ARMH4: variants seen among roughly 807,000 people sequenced by gnomAD.
ARMH4 encodes armadillo-like helical domain-containing protein 4.
Under a neutral mutation model 61.9 loss-of-function variants are expected in ARMH4, and 49 were observed. The observed-to-expected ratio is 0.79, with a 90% CI of 0.63 to 1.00. The LOEUF is 1.00. ARMH4 is among the 50% of genes least tolerant of loss of function. The pLI, the probability that ARMH4 is intolerant of heterozygous loss-of-function variation, is 0.00. For synonymous variants in ARMH4, 368 were observed against 341.5 expected, an observed-to-expected ratio of 1.08 and a Z score of -0.85; for missense variants, 934 against 930.0, an observed-to-expected ratio of 1.00 and a Z score of -0.06.
intron 5 of ARMH4, among the ~76,000 whole-genome samples, chr14:58,082,746 T>G (rs1885266275): frequency 6.6e-6 from 1 of 152,128 alleles, no homozygotes; most frequent in African/African-American, 2.4e-5. Context: ...TAGCAAAAAT[T>G]TATAAATAGC....
At chr14:58,093,131 A>T (rs1447530404) in intron 5 of ARMH4, among the ~76,000 whole-genome samples, 1 of 152,088 alleles carries the variant, frequency 6.6e-6, no homozygotes, top group South Asian at 2.1e-4. Context: ...CCAGGTGAGG[A>T]AAGACATGTT....
chr14:58,009,708 G>C (rs1439327793), intron 6 of ARMH4, among the ~76,000 whole-genome samples: 2 of 151,042 alleles, frequency 1.3e-5, no homozygotes, highest in Non-Finnish European at 2.9e-5. Context: ...CTACTCAGGA[G>C]GCTGAGGCAT....
intron 4 of ARMH4, among the ~76,000 whole-genome samples, chr14:58,111,416 A>G (rs1594763345): frequency 6.6e-6 from 1 of 152,228 alleles, no homozygotes; most frequent in African/African-American, 2.4e-5. Flanking sequence ...ACAAAATCTA[A>G]GCTTTCAGCA....
At chr14:58,043,778 T>G (rs1349301661) in intron 5 of ARMH4, among the ~76,000 whole-genome samples, 5 of 152,198 alleles carry the variant, frequency 3.3e-5, no homozygotes, top group African/African-American at 1.2e-4. Flanking sequence ...AAAATCAATG[T>G]GCAAAAATCA....
At chr14:58,049,529 G>A (rs1423490286) in intron 5 of ARMH4, among the ~76,000 whole-genome samples, 2 of 152,022 alleles carry the variant, frequency 1.3e-5, no homozygotes, top group African/African-American at 4.8e-5. Context: ...AATTTCTCTG[G>A]GGTGATTCAA....
At chr14:58,121,540 A>G (rs1462043452) in intron 4 of ARMH4, among the ~76,000 whole-genome samples, 3 of 152,236 alleles carry the variant, frequency 2.0e-5, no homozygotes, top group Admixed American at 2.0e-4. Context: ...ACCTCACAAT[A>G]TTGATTTTAA....
chr14:58,069,720 C>A (rs1199235500), intron 5 of ARMH4, among the ~76,000 whole-genome samples: 9 of 152,080 alleles, frequency 5.9e-5, no homozygotes, highest in Admixed American at 2.0e-4. Context: ...AAAGGCCATG[C>A]AAAGGAAATT....
intron 4 of ARMH4, among the ~76,000 whole-genome samples, chr14:58,117,660 A>G (rs1300028579): frequency 2.0e-5 from 3 of 152,176 alleles, no homozygotes; most frequent in Non-Finnish European, 2.9e-5. Context: ...AATAAACTCA[A>G]CAACACCCTA....
intron 6 of ARMH4, among the ~76,000 whole-genome samples, chr14:58,006,351 A>C (rs1279533302): frequency 6.6e-6 from 1 of 152,146 alleles, no homozygotes; most frequent in African/African-American, 2.4e-5. Flanking sequence ...TACAGCACAA[A>C]CTGTTTTAGT....
chr14:58,142,600 T>C (rs898922844), intron 1 of ARMH4, among the ~76,000 whole-genome samples: 1 of 151,814 alleles, frequency 6.6e-6, no homozygotes, highest in African/African-American at 2.4e-5. Context: ...GCCTCCCGAG[T>C]AGCTGGGACT....
chr14:58,124,035 C>T (rs1566591165), intron 4 of ARMH4, among the ~76,000 whole-genome samples: 1 of 152,096 alleles, frequency 6.6e-6, no homozygotes, highest in Non-Finnish European at 1.5e-5. Flanking sequence ...CCAGCCTATA[C>T]TGGCTTACCC....
intron 5 of ARMH4, among the ~76,000 whole-genome samples, chr14:58,019,957 T>C (rs1399200094): frequency 1.3e-5 from 2 of 152,192 alleles, no homozygotes; most frequent in East Asian, 3.8e-4. Context: ...TTATGGACTA[T>C]ATTTATCCCA....
chr14:58,131,667 G>C lies in ARMH4; in HGVS notation c.1676C>G (p.Ser559Cys). 1 of 1,613,912 alleles carries C rather than the reference G, an allele frequency of 6.2e-7. No individual in the cohort carries two copies. Among genetic ancestry groups the C allele is most frequent in the South Asian group, 1.1e-5 (1 of 91,068 alleles). ...CATTATTCCAGGAGGTGTCACTGGA[G>C]ATCCCAGAACTGGTGTGAACTCCTC... ...PNEEFTPVLG[S>C]PVTPPGIMVG... The change falls in exon 4 of 8, where the codon TCT becomes TGT. Residue 559 changes from serine (S) to cysteine (C), a missense_variant. Coordinates refer to ENST00000267485, the MANE Select transcript of ARMH4 (RefSeq NM_001001872.4).
rs1371524025 is a variant in ARMH4 at position 58,048,986 on chromosome 14, C to G, written c.2090-36836G>C. ...GGCACCGTGGCTCATGCCTGTAATC[C>G]CAGCACTTTGGGAGGCCAAGGAGGG... On this transcript the variant is annotated intron_variant, in intron 5 of 7. Coordinates refer to ENST00000267485, the MANE Select transcript of ARMH4 (RefSeq NM_001001872.4). Among the ~76,000 whole-genome samples the G allele has an allele frequency of 2.0e-5, 3 of 151,978 alleles. No individual in the cohort carries two copies. The East Asian group carries it at 5.8e-4, about 29-fold the overall frequency.
intron 5 of ARMH4, among the ~76,000 whole-genome samples, chr14:58,054,170 TC>T (rs1884240038): frequency 6.6e-6 from 1 of 151,958 alleles, no homozygotes; most frequent in Non-Finnish European, 1.5e-5. Context: ...GAGCTCAGGG[TC>T]AAGTAGAGCA....
chr14:58,039,533 T>C (rs1055231505), intron 5 of ARMH4, among the ~76,000 whole-genome samples: 2 of 152,164 alleles, frequency 1.3e-5, no homozygotes, highest in African/African-American at 4.8e-5. Context: ...AAAGAAAATC[T>C]TTCCCATTAA....
At chr14:58,105,648 C>G (rs957556347) in intron 4 of ARMH4, among the ~76,000 whole-genome samples, 16 of 150,492 alleles carry the variant, frequency 1.1e-4, no homozygotes, top group Non-Finnish European at 2.1e-4. Context: ...GATTACGCCA[C>G]TGCACTCCAG....
intron 5 of ARMH4, among the ~76,000 whole-genome samples, chr14:58,015,892 A>T (rs373152498): frequency 4.0e-5 from 6 of 150,806 alleles, no homozygotes; most frequent in African/African-American, 1.2e-4. Context: ...ACAAAAAATA[A>T]AATAAAATTT....
intron 4 of ARMH4, among the ~76,000 whole-genome samples, chr14:58,114,712 T>C (rs1387647598): frequency 6.6e-6 from 1 of 152,188 alleles, no homozygotes; most frequent in Non-Finnish European, 1.5e-5. Context: ...AATCTGGGTA[T>C]ATTTTAAAAT....
Sources: gnomAD v4.1 joint callset for allele counts (sites outside exome capture counted in the v4.1 genomes callset) on GRCh38, gnomAD v4.1.1 for gene constraint, MANE v1.5 for transcripts, NCBI Gene and HGNC (gene_info 2026-07-23, HGNC 2026-07-21) for gene names.